VPS13B: variants seen among roughly 807,000 people sequenced by gnomAD.
VPS13B encodes vacuolar protein sorting 13 homolog B.
VPS13B carries 285 observed loss-of-function variants against 426.4 expected under a neutral mutation model. The ratio of observed to expected loss-of-function variants is 0.67; its 90% CI spans 0.61 to 0.74. The LOEUF (loss-of-function observed/expected upper bound fraction) is 0.74. VPS13B is among the 30% of genes least tolerant of loss of function. VPS13B has a pLI of 0.00. For synonymous variants in VPS13B, 1,676 were observed against 1,676.4 expected (o/e 1.00, Z 0.01); for missense variants, 4,537 against 4,782.6 (o/e 0.95, Z 1.51).
intron 19 of VPS13B, among the ~76,000 whole-genome samples, chr8:99,383,865 A>C (rs930869312): frequency 6.6e-6 from 1 of 152,188 alleles, no homozygotes; most frequent in Admixed American, 6.5e-5. Flanking sequence ...TCATCAACTC[A>C]TGGAAATTTA....
At chr8:99,743,377 C>T (rs1314140165) in intron 39 of VPS13B, among the ~76,000 whole-genome samples, 11 of 151,712 alleles carry the variant, frequency 7.3e-5, no homozygotes, top group Admixed American at 3.3e-4. Flanking sequence ...GAATCAATAT[C>T]GTGAAAATGG....
At chr8:99,545,052 G>C (rs999797378) in intron 30 of VPS13B, among the ~76,000 whole-genome samples, 1 of 152,098 alleles carries the variant, frequency 6.6e-6, no homozygotes, top group African/African-American at 2.4e-5. Context: ...ACAATATAGA[G>C]TACAAGAAAA....
chr8:99,252,199 C>T (rs1176302830), intron 17 of VPS13B, among the ~76,000 whole-genome samples: 2 of 151,982 alleles, frequency 1.3e-5, no homozygotes, highest in African/African-American at 2.4e-5. Flanking sequence ...TGTGCACATT[C>T]GGTGCTATAA....
intron 31 of VPS13B, among the ~76,000 whole-genome samples, chr8:99,562,825 A>G (rs1825002490): frequency 6.6e-6 from 1 of 152,180 alleles, no homozygotes; most frequent in African/African-American, 2.4e-5. Flanking sequence ...TGTCACCCTC[A>G]TCAAAAATTG....
intron 17 of VPS13B, among the ~76,000 whole-genome samples, chr8:99,201,924 A>C (rs1814354788): frequency 6.6e-6 from 1 of 152,158 alleles, no homozygotes; most frequent in African/African-American, 2.4e-5. Flanking sequence ...GTTTTAGTTA[A>C]TTTTCTCATC....
chr8:99,445,326 G>A (rs1817861526), intron 23 of VPS13B, among the ~76,000 whole-genome samples: 1 of 149,788 alleles, frequency 6.7e-6, no homozygotes, highest in Admixed American at 6.6e-5. Flanking sequence ...TTACCCGGTT[G>A]TGGTGGCTTG....
At chr8:99,506,973 G>A (rs894989510) in intron 27 of VPS13B, among the ~76,000 whole-genome samples, 164 bp from the exon 28 acceptor site, 1 of 152,226 alleles carries the variant, frequency 6.6e-6, no homozygotes. Context: ...AACTGTCAGA[G>A]TGCGGTGCTA....
chr8:99,408,011 C>A (rs1815425463), intron 21 of VPS13B, among the ~76,000 whole-genome samples: 1 of 152,148 alleles, frequency 6.6e-6, no homozygotes, highest in Admixed American at 6.6e-5. Flanking sequence ...TTCTTCTCTT[C>A]ATGGACTAGC....
intron 15 of VPS13B, among the ~76,000 whole-genome samples, chr8:99,162,709 G>A (rs959472761): frequency 3.9e-5 from 6 of 152,180 alleles, no homozygotes; most frequent in African/African-American, 9.7e-5. Context: ...GCAGATCTTC[G>A]CGGTGAGTGT....
chr8:99,347,019 T>A (rs765828290), intron 19 of VPS13B: 7 of 155,142 alleles, frequency 4.5e-5, no homozygotes, highest in Non-Finnish European at 8.6e-5. Context: ...CCTGTTCCAC[T>A]GGCCAATGCA....
chr8:99,288,943 T>G (rs1819581478), intron 19 of VPS13B, among the ~76,000 whole-genome samples: 1 of 152,012 alleles, frequency 6.6e-6, no homozygotes, highest in South Asian at 2.1e-4. Context: ...ATGCCTATAA[T>G]CTCAGCACTT....
chr8:99,129,509 A>G lies in VPS13B; in HGVS notation c.1207-5123A>G, dbSNP rs574485138. 6.0e-4 allele frequency among the ~76,000 whole-genome samples: 90 copies of G among 149,594 alleles called. 2 individuals are homozygous for G. Among genetic ancestry groups the G allele is most frequent in the Admixed American group, 3.1e-3 (47 of 15,000 alleles). ...CTTGAGTCCTGGAGTTTGAGCTGCA[A>G]TGAGCCATGTTTTCACCACTGTACT... On this transcript the variant is annotated intron_variant, in intron 8 of 61. Coordinates refer to ENST00000357162, the MANE Select transcript of VPS13B (RefSeq NM_152564.5).
rs1332740463 is a variant in VPS13B at position 99,234,339 on chromosome 8, C to G, written c.2516-39859C>G. On this transcript the variant is annotated intron_variant, in intron 17 of 61. Coordinates refer to ENST00000357162, the MANE Select transcript of VPS13B (RefSeq NM_152564.5). ...ACTATCCCGTGTTGAGCCAAAGGTG[C>G]ATCCAACATCGCCCACTGCAGGTGA... 4.0e-6 allele frequency: 3 copies of G among 748,322 alleles called. No homozygotes were observed. In the East Asian group the frequency reaches 7.6e-5, roughly 19 times the overall value. The allele number at this position is 748,322 out of a possible 1,614,324, so 46.4% of individuals were successfully genotyped here.
chr8:99,049,834 C>A (rs1345881021), intron 3 of VPS13B, among the ~76,000 whole-genome samples: 1 of 151,704 alleles, frequency 6.6e-6, no homozygotes, highest in Non-Finnish European at 1.5e-5. Context: ...TTAACATAAT[C>A]CCAGACTTCT....
chr8:99,059,213 T>C (rs1192294984), intron 3 of VPS13B, among the ~76,000 whole-genome samples: 1 of 152,156 alleles, frequency 6.6e-6, no homozygotes, highest in Admixed American at 6.5e-5. Context: ...CTTGGCTCAT[T>C]GCAACTTCTG....
intron 19 of VPS13B, among the ~76,000 whole-genome samples, chr8:99,377,320 A>G (rs1046894691): frequency 3.9e-5 from 6 of 152,108 alleles, no homozygotes; most frequent in African/African-American, 1.4e-4. Flanking sequence ...GACATATGCT[A>G]TGTCTTCTCA....
rs1308542502 is a variant in VPS13B, at chr8:99,717,232, C to T, written c.6516C>T (p.Leu2172=). The T allele has an allele frequency of 6.2e-7, 1 of 1,613,892 alleles. No individual in the cohort carries two copies. Residue 2172 remains leucine (L), a synonymous_variant, in exon 37 of 62, where the codon CTC becomes CTT. Transcript: ENST00000357162. Reference sequence around the variant, plus strand: ...ACGATTTTCTCCTTAAAACAAGTCTCAAAGAAAGAAGCCGCATTCTGATAG... The same window carrying T: ...ACGATTTTCTCCTTAAAACAAGTCTTAAAGAAAGAAGCCGCATTCTGATAG... The part of the protein sequence containing the change: ...SINDFLLKTS[L]KERSRILIGP...
chr8:99,631,154 C>T lies in VPS13B; in HGVS notation c.5221-10657C>T, dbSNP rs149214654. Among the ~76,000 whole-genome samples, 587 of 152,150 alleles carry T rather than the reference C, an allele frequency of 3.9e-3. 4 individuals are homozygous for T. Among genetic ancestry groups the T allele is most frequent in the South Asian group, 7.7e-3 (37 of 4,822 alleles). On this transcript the variant is annotated intron_variant, in intron 33 of 61. Transcript: ENST00000357162. Reference sequence around the variant, plus strand: ...CAGGCCTCTCTCTCCTTTTCCCCTTCTCCAATTTATCTCAAAAATCTTATG... The same window carrying T: ...CAGGCCTCTCTCTCCTTTTCCCCTTTTCCAATTTATCTCAAAAATCTTATG...
At chr8:99,790,801 G>C (rs1350359337) in intron 43 of VPS13B, among the ~76,000 whole-genome samples, 1 of 152,160 alleles carries the variant, frequency 6.6e-6, no homozygotes, top group Non-Finnish European at 1.5e-5. Flanking sequence ...TTCCAGCTAA[G>C]AGGACCAACA....
Sources: gnomAD v4.1 joint callset for allele counts (sites outside exome capture counted in the v4.1 genomes callset) on GRCh38, gnomAD v4.1.1 for gene constraint, MANE v1.5 for transcripts, NCBI Gene and HGNC (gene_info 2026-07-23, HGNC 2026-07-21) for gene names.